CMTM4: variants seen among roughly 807,000 people sequenced by gnomAD.
CMTM4 encodes CKLF-like MARVEL transmembrane domain-containing protein 4.
In CMTM4, 8 loss-of-function variants were observed where a neutral mutation model predicts 19.0. The observed-to-expected ratio is 0.42, with a 90% confidence interval of 0.25 to 0.76. CMTM4 has a LOEUF of 0.76. Ranked by LOEUF, CMTM4 falls within the 30% of genes least tolerant of loss-of-function variation. The probability of loss-of-function intolerance (pLI) is 0.27; values close to 1 mark genes in which losing one functional copy is unlikely to be tolerated. For missense variants in CMTM4, 228 were observed against 290.2 expected, an observed-to-expected ratio of 0.79 and a Z score of 1.56; for synonymous variants, 106 against 121.1, an observed-to-expected ratio of 0.88 and a Z score of 0.82.
chr16:66,618,404 T>C lies in CMTM4; in HGVS notation c.*3654A>G, dbSNP rs2015565901. The C allele has an allele frequency of 1.0e-6, 1 of 985,340 alleles. No individual in the cohort carries two copies. The highest frequency in any genetic ancestry group is 6.1e-5 in the Admixed American group (1 of 16,268). 61.0% of individuals were successfully genotyped at this position (985,340 alleles called of 1,614,324 possible). A position where few individuals can be genotyped will look rare whatever the true frequency, so the allele number is the denominator to read the frequency against. On this transcript the variant is annotated 3_prime_UTR_variant, in exon 4 of 4. Coordinates refer to ENST00000394106, the MANE Select transcript of CMTM4 (RefSeq NM_181521.3). ...CTTAAATCATCACTGCCTTGCAGAATCACTAAATTGTTCAGGTGTCTCCAT... is the reference window on the plus strand; with the variant it reads ...CTTAAATCATCACTGCCTTGCAGAACCACTAAATTGTTCAGGTGTCTCCAT...
chr16:66,696,500 C>T lies in CMTM4; in HGVS notation c.26G>A (p.Gly9Asp). Reference protein sequence around the residue: MRSGEELDGFEGEASSTSM... With the variant: MRSGEELDDFEGEASSTSM... ...GGTGCTCGAGGCCTCGCCCTCGAAGCCGTCCAGCTCCTCGCCGCTCCGCAT... is the reference window on the plus strand; with the variant it reads ...GGTGCTCGAGGCCTCGCCCTCGAAGTCGTCCAGCTCCTCGCCGCTCCGCAT... The change falls in exon 1 of 4, where the codon GGC becomes GAC. Residue 9 changes from glycine (G) to aspartate (D), a missense_variant. Gly to Asp is a moderately conservative substitution (Grantham distance 94). Transcript: ENST00000394106. The surrounding 1 kb of genome is among the most constrained non-coding windows in gnomAD (Gnocchi z 4.3). The T allele has an allele frequency of 2.5e-6, 3 of 1,224,136 alleles. No individual in the cohort carries two copies. The highest frequency in any genetic ancestry group is 6.9e-5 in the East Asian group (2 of 29,164). 75.8% of individuals were successfully genotyped at this position (1,224,136 alleles called of 1,614,324 possible).
rs1288830559 is a variant in CMTM4, at chr16:66,636,532, G to C, written c.236C>G (p.Ser79Cys). 6.2e-7 allele frequency: 1 copy of C among 1,614,202 alleles called. No individual in the cohort carries two copies. Among genetic ancestry groups the C allele is most frequent in the Admixed American group, 1.7e-5 (1 of 60,016 alleles). ...AAAAAAGTAGAGGCCTTCACACGGG[G>C]AGCATGCCATGATGGTCTCTATGCA... is the stretch of plus-strand genomic sequence containing the variant. ...FICIETIMAC[S>C]PCEGLYFFEF... The change falls in exon 2 of 4, where the codon TCC (serine) becomes TGC (cysteine). Residue 79 changes from serine to cysteine, a missense_variant. Physicochemically the swap from Ser to Cys is moderately radical, Grantham distance 112. Coordinates refer to ENST00000394106, the MANE Select transcript of CMTM4 (RefSeq NM_181521.3).
chr16:66,649,499 AT>A (rs1007948859), intron 1 of CMTM4, among the ~76,000 whole-genome samples: 2 of 119,310 alleles, frequency 1.7e-5, no homozygotes, highest in Non-Finnish European at 3.4e-5. Context: ...TCTATCCCTG[AT>A]TTTTTTTCTT....
chr16:66,617,333 C>T lies in CMTM4; in HGVS notation c.*4725G>A. 6.2e-7 allele frequency: 1 copy of T among 1,613,840 alleles called. No individual in the cohort carries two copies. The highest frequency in any genetic ancestry group is 8.5e-7 in the Non-Finnish European group (1 of 1,179,928). The stretch of plus-strand genomic sequence containing the variant: ...AGGTTTGTGGGTGATTTTTTCCTTA[C>T]TGTTACGTTTGTGGAGTAGGAAAAA... On this transcript the variant is annotated 3_prime_UTR_variant, in exon 4 of 4. Transcript: ENST00000394106.
At chr16:66,683,159 ACG>A (rs1465611030) in intron 1 of CMTM4, among the ~76,000 whole-genome samples, 126 of 117,400 alleles carry the variant, frequency 1.1e-3, no homozygotes, top group African/African-American at 3.3e-3. Context: ...ATATATATAT[ACG>A]TATATATATA....
At position 66,622,108 on chromosome 16, in the gene CMTM4, C is replaced by T. The variant is rs1341084816; in HGVS notation, c.577G>A (p.Glu193Lys). 1.9e-6 allele frequency: 3 copies of T among 1,598,288 alleles called. No homozygotes were observed. The highest frequency in any genetic ancestry group is 3.3e-4 in the Middle Eastern group (2 of 6,046). Residue 193 changes from glutamate (E) to lysine (K), a missense_variant, in exon 4 of 4, where the codon GAG (glutamate) becomes AAG (lysine). Around this residue, in one of 3 missense-constraint regions of CMTM4, gnomAD observed 200 missense variants for 226.6 expected, o/e 0.88. Transcript: ENST00000394106. This position sits in a 1 kb window ranked among gnomAD's most constrained non-coding sequence, Gnocchi z 4.0. ...STNDYIRART[E>K]SRDVDSRPEI... is the part of the protein sequence containing the mutation. ...GGGCGACTGTCCACATCCCTGGACTCCGTGCGGGCTCGGATGTAGTCATTG... is the reference window on the plus strand; with the variant it reads ...GGGCGACTGTCCACATCCCTGGACTTCGTGCGGGCTCGGATGTAGTCATTG...
At chr16:66,662,438 G>A (rs1396329822) in intron 1 of CMTM4, among the ~76,000 whole-genome samples, 1 of 152,186 alleles carries the variant, frequency 6.6e-6, no homozygotes, top group Non-Finnish European at 1.5e-5. Flanking sequence ...GGCCAGAAAA[G>A]TAGACAGGGG....
chr16:66,636,869 C>T (rs2016002876), intron 1 of CMTM4, among the ~76,000 whole-genome samples: 1 of 152,158 alleles, frequency 6.6e-6, no homozygotes, highest in Admixed American at 6.5e-5. Flanking sequence ...AAACTGCTGG[C>T]CCTTGGGAGG....
intron 1 of CMTM4, among the ~76,000 whole-genome samples, chr16:66,694,717 A>AG (rs1056825860): frequency 6.0e-5 from 9 of 149,572 alleles, no homozygotes; most frequent in African/African-American, 2.2e-4. Flanking sequence ...CATCTCAAAA[A>AG]AAAAAAAAAA....
At chr16:66,687,976 C>T (rs189687205) in intron 1 of CMTM4, among the ~76,000 whole-genome samples, 3 of 152,030 alleles carry the variant, frequency 2.0e-5, no homozygotes, top group Non-Finnish European at 2.9e-5. Context: ...TGTAAGCCAC[C>T]GCGCCTGGCC....
intron 2 of CMTM4, among the ~76,000 whole-genome samples, chr16:66,635,258 G>C (rs1357656216): frequency 6.6e-6 from 1 of 152,186 alleles, no homozygotes; most frequent in Non-Finnish European, 1.5e-5. Context: ...AGGTTTTAGA[G>C]CTTAAATTTA....
chr16:66,620,135 A>C lies in CMTM4; in HGVS notation c.*1923T>G. ...GGGGCCAAGTAACATGATTCCCAGC[A>C]GGAGATTTCTGATAAAGCTCAGGAT... On this transcript the variant is annotated 3_prime_UTR_variant, in exon 4 of 4. Coordinates refer to ENST00000394106, the MANE Select transcript of CMTM4 (RefSeq NM_181521.3). 2 of 985,450 alleles carry C rather than the reference A, an allele frequency of 2.0e-6. No individual in the cohort carries two copies. Among genetic ancestry groups the C allele is most frequent in the Non-Finnish European group, 1.2e-6 (1 of 829,936 alleles). The allele number at this position is 985,450 out of a possible 1,614,324, so 61.0% of individuals were successfully genotyped here. A position where few individuals can be genotyped will look rare whatever the true frequency, so the allele number is the denominator to read the frequency against.
chr16:66,693,274 T>C (rs769707107), intron 1 of CMTM4, among the ~76,000 whole-genome samples: 1 of 152,190 alleles, frequency 6.6e-6, no homozygotes, highest in East Asian at 1.9e-4. Context: ...AGACATGGGA[T>C]CTTGCTACGT....
chr16:66,689,039 T>A (rs1008580688), intron 1 of CMTM4, among the ~76,000 whole-genome samples: 2 of 152,232 alleles, frequency 1.3e-5, no homozygotes, highest in Non-Finnish European at 2.9e-5. Context: ...GGAGGTTTTT[T>A]ATAGATTCCC....
intron 2 of CMTM4, among the ~76,000 whole-genome samples, chr16:66,635,974 A>G (rs1406499315): frequency 6.6e-6 from 1 of 152,188 alleles, no homozygotes. Context: ...CTTTGAATTT[A>G]ATAATATTCC....
downstream of CMTM4, chr16:66,613,280 A>C: frequency 1.6e-6 from 1 of 629,020 alleles, no homozygotes. Flanking sequence ...GGGTGAGATG[A>C]CCATTCTGGG....
At chr16:66,612,778 A>G, downstream of CMTM4, 1 of 808,360 alleles carries the variant, frequency 1.2e-6, no homozygotes, top group Admixed American at 2.7e-5. The surrounding 1 kb of genome is among the most constrained non-coding windows in gnomAD (Gnocchi z 6.0). Context: ...CTACAGCCTC[A>G]GGTTCTGCCT....
At chr16:66,657,102 T>TC (rs2016411437) in intron 1 of CMTM4, among the ~76,000 whole-genome samples, 1 of 141,288 alleles carries the variant, frequency 7.1e-6, no homozygotes, top group Non-Finnish European at 1.6e-5. Flanking sequence ...TTTTTTTTTT[T>TC]CAGATGGAGT....
the CMTM4 span, among the ~76,000 whole-genome samples, chr16:66,603,245 T>C: frequency 1.3e-5 from 2 of 152,126 alleles, no homozygotes; most frequent in Non-Finnish European, 2.9e-5. Flanking sequence ...AGGAACAGTG[T>C]GCTTCTTTGT....
Sources: gnomAD v4.1 joint callset for allele counts (sites outside exome capture counted in the v4.1 genomes callset) on GRCh38, gnomAD v4.1.1 for gene constraint, gnomAD v4.1.1 regional missense constraint, Gnocchi (gnomAD v3.1) non-coding constraint, MANE v1.5 for transcripts, NCBI Gene and HGNC (gene_info 2026-07-23, HGNC 2026-07-21) for gene names.